The following NFATC3 variants were observed in gnomAD, a reference collection of about 807,000 sequenced individuals.
NFATC3 encodes the protein nuclear factor of activated T cells 3.
NFATC3 carries 46 observed loss-of-function variants against 98.6 expected under a neutral mutation model. The observed-to-expected ratio is 0.47, with a 90% CI of 0.37 to 0.60. The LOEUF (loss-of-function observed/expected upper bound fraction) is 0.60. NFATC3 is among the 20% of genes least tolerant of loss of function. The pLI, the probability that NFATC3 is intolerant of heterozygous loss-of-function variation, is 0.00. For synonymous variants in NFATC3, 512 were observed against 472.2 expected (o/e 1.08, Z -1.09); for missense variants, 1,256 against 1,295.5 (o/e 0.97, Z 0.47).
rs1270999404 is a variant in NFATC3, at chr16:68,085,781, G to C, written c.100G>C (p.Ala34Pro). 2.0e-6 allele frequency: 3 copies of C among 1,479,480 alleles called. No homozygotes were observed. The highest frequency in any genetic ancestry group is 2.7e-6 in the Non-Finnish European group (3 of 1,122,428). The allele number at this position is 1,479,480 out of a possible 1,614,324, so 91.6% of individuals were successfully genotyped here. A position where few individuals can be genotyped will look rare whatever the true frequency, so the allele number is the denominator to read the frequency against. Residue 34 changes from alanine to proline, a missense_variant, in exon 1 of 10, where the codon GCA becomes CCA. Transcript: ENST00000346183. ...PAPPPPGSRP[A>P]DLEPDDCASI... ...GCCGCCGCCCCCGGGCTCGCGGCCT[G>C]CAGGTGGGTGCCGGGCCAGGCGGGA...
intron 3 of NFATC3, among the ~76,000 whole-genome samples, chr16:68,151,154 G>C (rs931607675): frequency 6.6e-6 from 1 of 151,488 alleles, no homozygotes. Flanking sequence ...AGGAGTTCAA[G>C]ACCAGCTTAA....
At position 68,173,410 on chromosome 16, in the gene NFATC3, T is replaced by TA. The variant is rs572666510; in HGVS notation, c.1775-957dup. On this transcript the variant is annotated intron_variant, in intron 5 of 9. Coordinates refer to ENST00000346183, the MANE Select transcript of NFATC3 (RefSeq NM_173165.3). ...GGTGAAACCCCGTCTCTACCAGAAA[T>TA]AAAAAAATTAGCCGGGTATGGTGGC... 5.6e-3 allele frequency among the ~76,000 whole-genome samples: 843 copies of TA among 151,334 alleles called. 5 individuals carry two copies. The highest frequency in any genetic ancestry group is 0.02 in the African/African-American group (804 of 41,200).
intron 3 of NFATC3, among the ~76,000 whole-genome samples, chr16:68,130,693 A>G (rs964068074): frequency 2.0e-5 from 3 of 152,140 alleles, no homozygotes; most frequent in Admixed American, 1.3e-4. Flanking sequence ...GTGATTTTGT[A>G]GAATTACTCA....
At chr16:68,156,318 A>AAAC (rs540086473) in intron 3 of NFATC3, among the ~76,000 whole-genome samples, 2 of 118,468 alleles carry the variant, frequency 1.7e-5, no homozygotes, top group Non-Finnish European at 3.9e-5. Flanking sequence ...TTCGTCTCAA[A>AAAC]AACAACAACA....
chr16:68,103,086 C>A (rs567377368), intron 1 of NFATC3, among the ~76,000 whole-genome samples: 5 of 151,908 alleles, frequency 3.3e-5, no homozygotes, highest in African/African-American at 7.3e-5. Context: ...TATAAAAACT[C>A]TATATATTCT....
intron 9 of NFATC3, among the ~76,000 whole-genome samples, chr16:68,204,993 CTTT>C (rs993093946): frequency 1.6e-5 from 2 of 121,242 alleles, no homozygotes; most frequent in Admixed American, 8.4e-5. Flanking sequence ...ATGCCTGGCT[CTTT>C]TTTTTTTTTT....
At chr16:68,162,458 C>T (rs568942054) in intron 4 of NFATC3, among the ~76,000 whole-genome samples, 1 of 152,154 alleles carries the variant, frequency 6.6e-6, no homozygotes, top group African/African-American at 2.4e-5. Context: ...ATAATTTATG[C>T]ATAAGTGAAC....
chr16:68,190,307 A>G (rs1467674375), intron 8 of NFATC3, among the ~76,000 whole-genome samples: 3 of 152,174 alleles, frequency 2.0e-5, no homozygotes, highest in Non-Finnish European at 4.4e-5. Flanking sequence ...GCAACATGTA[A>G]AACCAGATGA....
chr16:68,169,280 A>G (rs560018479), intron 5 of NFATC3, among the ~76,000 whole-genome samples: 137 of 152,158 alleles, frequency 9.0e-4, no homozygotes, highest in African/African-American at 3.0e-3. Flanking sequence ...TTATTAATTC[A>G]TTTATTTGAG....
chr16:68,132,034 C>T (rs1036911711), intron 3 of NFATC3, among the ~76,000 whole-genome samples: 1 of 152,184 alleles, frequency 6.6e-6, no homozygotes, highest in South Asian at 2.1e-4. Flanking sequence ...TCAGGTATCA[C>T]TTCCACTTTC....
chr16:68,133,700 C>T (rs1441150960), intron 3 of NFATC3, among the ~76,000 whole-genome samples: 1 of 151,974 alleles, frequency 6.6e-6, no homozygotes, highest in East Asian at 1.9e-4. Flanking sequence ...TTGTATCTAA[C>T]ATCATGTATT....
intron 9 of NFATC3, among the ~76,000 whole-genome samples, chr16:68,208,261 T>G (rs2041231418): frequency 6.6e-6 from 1 of 152,014 alleles, no homozygotes; most frequent in African/African-American, 2.4e-5. Flanking sequence ...GGTCTCAAAC[T>G]CCTGACCTCA....
chr16:68,204,128 C>G (rs1295533612), intron 9 of NFATC3, among the ~76,000 whole-genome samples: 2 of 151,990 alleles, frequency 1.3e-5, no homozygotes, highest in Admixed American at 1.3e-4. Flanking sequence ...GCAGAGGTTG[C>G]AGTGAGCTGA....
At chr16:68,154,033 C>T (rs963756186) in intron 3 of NFATC3, among the ~76,000 whole-genome samples, 1 of 152,148 alleles carries the variant, frequency 6.6e-6, no homozygotes, top group African/African-American at 2.4e-5. Context: ...CCTCCCACCT[C>T]AGCCTTCTAA....
At position 68,173,340 on chromosome 16, in the gene NFATC3, G is replaced by C. The variant is rs912616118; in HGVS notation, c.1775-1034G>C. On this transcript the variant is annotated intron_variant, in intron 5 of 9. Transcript: ENST00000346183. ...CCAGCACTTTGGGAGGCTGAGGCGG[G>C]CAGATCACCTGAAGTCTGGAGTTTG... Among the ~76,000 whole-genome samples the C allele has an allele frequency of 1.6e-4, 24 of 152,204 alleles. 1 individual carries two copies. Among genetic ancestry groups the C allele is most frequent in the Admixed American group, 1.3e-3 (20 of 15,264 alleles).
chr16:68,103,180 C>CT (rs926329813), intron 1 of NFATC3, among the ~76,000 whole-genome samples: 33 of 147,012 alleles, frequency 2.2e-4, no homozygotes, highest in Admixed American at 7.5e-4. Context: ...CTTTTTTCTT[C>CT]TTTTTTTTTT....
rs1175995825 is a variant in NFATC3 at position 68,085,661 on chromosome 16, G to C, written c.-21G>C. 1 of 1,500,318 alleles carries C rather than the reference G, an allele frequency of 6.7e-7. No individual in the cohort carries two copies. 92.9% of individuals were successfully genotyped at this position (1,500,318 alleles called of 1,614,324 possible). A position where few individuals can be genotyped will look rare whatever the true frequency, so the allele number is the denominator to read the frequency against. Reference sequence around the variant, plus strand: ...CGCCGCCGCCGCCTGAGGAGGAGCTGCAGCACCCTGGGCCACGCCGATGAC... The same window carrying C: ...CGCCGCCGCCGCCTGAGGAGGAGCTCCAGCACCCTGGGCCACGCCGATGAC... On this transcript the variant is annotated 5_prime_UTR_variant, in exon 1 of 10. Coordinates refer to ENST00000346183, the MANE Select transcript of NFATC3 (RefSeq NM_173165.3).
At chr16:68,145,050 C>T (rs1333497042) in intron 3 of NFATC3, among the ~76,000 whole-genome samples, 1 of 152,066 alleles carries the variant, frequency 6.6e-6, no homozygotes, top group African/African-American at 2.4e-5. Context: ...TCAAGTGATC[C>T]TCCCACCTTG....
At chr16:68,101,363 C>A (rs920677662) in intron 1 of NFATC3, among the ~76,000 whole-genome samples, 1 of 152,194 alleles carries the variant, frequency 6.6e-6, no homozygotes, top group African/African-American at 2.4e-5. Flanking sequence ...AGGCTTGTCT[C>A]AAACTGTAGG....
Sources: gnomAD v4.1 joint callset for allele counts (sites outside exome capture counted in the v4.1 genomes callset) on GRCh38, gnomAD v4.1.1 for gene constraint, MANE v1.5 for transcripts, NCBI Gene and HGNC (gene_info 2026-07-23, HGNC 2026-07-21) for gene names.